The following TDRD9 variants were observed in gnomAD, a reference collection of about 807,000 sequenced individuals.
The protein encoded by TDRD9 is tudor domain containing 9.
Under a neutral mutation model 172.6 loss-of-function variants are expected in TDRD9, and 124 were observed. The observed-to-expected ratio is 0.72, with a 90% confidence interval of 0.62 to 0.83. The LOEUF (loss-of-function observed/expected upper bound fraction) is 0.83, where lower values mean the gene tolerates loss of function less well. TDRD9 is among the 40% of genes least tolerant of loss of function. TDRD9 has a pLI of 0.00. For synonymous variants in TDRD9, 619 were observed against 617.1 expected (o/e 1.00, Z -0.05); for missense variants, 1,479 against 1,714.1 (o/e 0.86, Z 2.42).
intron 31 of TDRD9, among the ~76,000 whole-genome samples, chr14:104,034,284 G>A (rs1314657583): frequency 6.8e-6 from 1 of 147,506 alleles, no homozygotes; most frequent in Non-Finnish European, 1.5e-5. Context: ...TCCACCTCCT[G>A]GGTTCACACC....
At chr14:103,983,039 G>C (rs2033537450) in intron 7 of TDRD9, among the ~76,000 whole-genome samples, 1 of 150,508 alleles carries the variant, frequency 6.6e-6, no homozygotes, top group South Asian at 2.1e-4. Flanking sequence ...CGCCCCACCT[G>C]GACTCGCTGT....
At chr14:104,000,742 G>A (rs529226728) in intron 13 of TDRD9, among the ~76,000 whole-genome samples, 11 of 152,122 alleles carry the variant, frequency 7.2e-5, no homozygotes, top group South Asian at 2.1e-4. Flanking sequence ...CCTAGATCAC[G>A]CCACTGCACT....
intron 1 of TDRD9, among the ~76,000 whole-genome samples, chr14:103,953,695 G>C (rs185176968): frequency 1.3e-5 from 2 of 152,322 alleles, no homozygotes; most frequent in African/African-American, 4.8e-5. Context: ...GAGAACCTGG[G>C]ATGGGAGATG....
intron 19 of TDRD9, among the ~76,000 whole-genome samples, chr14:104,007,973 G>C (rs2034498018): frequency 6.6e-6 from 1 of 152,036 alleles, no homozygotes; most frequent in African/African-American, 2.4e-5. Context: ...TAGAGATGGG[G>C]TTTCACTGTG....
chr14:104,004,848 A>G (rs961175111), intron 14 of TDRD9, among the ~76,000 whole-genome samples: 3 of 152,164 alleles, frequency 2.0e-5, no homozygotes, highest in African/African-American at 7.2e-5. Flanking sequence ...GTTTTCTGGT[A>G]TCTATGGGCT....
At chr14:104,005,101 T>C in intron 14 of TDRD9, 173 bp from the exon 15 acceptor site, 1 of 535,958 alleles carries the variant, frequency 1.9e-6, no homozygotes, top group South Asian at 3.0e-5. Flanking sequence ...TTCTCTCCTG[T>C]TCTTTCTTCT....
chr14:104,010,601 CAT>C (rs1453415851), intron 20 of TDRD9, among the ~76,000 whole-genome samples: 11 of 142,524 alleles, frequency 7.7e-5, no homozygotes, highest in African/African-American at 2.6e-4. Context: ...TCTTTCAAGA[CAT>C]GTGAAGTTAA....
At chr14:103,954,958 G>A (rs758216769) in intron 1 of TDRD9, among the ~76,000 whole-genome samples, 3 of 148,618 alleles carry the variant, frequency 2.0e-5, no homozygotes, top group African/African-American at 2.5e-5. Context: ...ACAGGGTCTC[G>A]CTTTGTTGCC....
At chr14:104,023,890 C>T (rs1001395515) in intron 24 of TDRD9, among the ~76,000 whole-genome samples, 3 of 152,106 alleles carry the variant, frequency 2.0e-5, no homozygotes, top group Non-Finnish European at 2.9e-5. Flanking sequence ...CTTTTGTAAT[C>T]GAATGCTGGG....
chr14:103,937,765 A>G (rs1051046066), intron 1 of TDRD9, among the ~76,000 whole-genome samples: 1 of 152,046 alleles, frequency 6.6e-6, no homozygotes, highest in Non-Finnish European at 1.5e-5. Context: ...GTGTGTGTGT[A>G]TTGGTACTAG....
chr14:103,961,159 A>G (rs2032490505), intron 2 of TDRD9, among the ~76,000 whole-genome samples: 1 of 152,236 alleles, frequency 6.6e-6, no homozygotes. Flanking sequence ...TTAACTGGGA[A>G]AACAAGAAGG....
At position 104,024,610 on chromosome 14, in the gene TDRD9, A is replaced by C; in HGVS notation, c.2648A>C (p.Gln883Pro). ...DFQKQTVDPM[Q>P]VSFNTSDRSQ... ...CAGAAGCAGACGGTAGATCCTATGC[A>C]AGTCTCCTTTAACACATCAGACAGG... Residue 883 changes from glutamine (Q) to proline (P), a missense_variant, in exon 25 of 36, where the codon CAA becomes CCA. Gln to Pro is a moderately conservative substitution (Grantham distance 76, BLOSUM62 -1). Transcript: ENST00000409874. The C allele has an allele frequency of 6.2e-7, 1 of 1,612,956 alleles. No individual in the cohort carries two copies.
At chr14:103,938,790 G>A (rs953852910) in intron 1 of TDRD9, among the ~76,000 whole-genome samples, 2 of 151,926 alleles carry the variant, frequency 1.3e-5, no homozygotes, top group African/African-American at 4.8e-5. Flanking sequence ...ATTATAAATA[G>A]CCTAGTGTAT....
Position 104,006,828 on chromosome 14 carries a change from C to T in TDRD9, c.1990C>T (p.Leu664Phe). The T allele has an allele frequency of 1.2e-6, 2 of 1,612,932 alleles. No individual in the cohort carries two copies. Among genetic ancestry groups the T allele is most frequent in the South Asian group, 2.2e-5 (2 of 90,842 alleles). The change falls in exon 18 of 36, where the codon CTT becomes TTT. Residue 664 changes from leucine (L) to phenylalanine (F), a missense_variant. Leu to Phe is a conservative substitution (Grantham distance 22). Around this residue, in one of 3 missense-constraint regions of TDRD9, gnomAD observed 1,413 missense variants for 1,649.1 expected, o/e 0.86. Transcript: ENST00000409874. ...CAGTAGCAAGAGTGACTGTATTGCA[C>T]TTGTTGAGGCATTTAAAGTAAGTTT... The part of the protein sequence containing the change: ...SGSSKSDCIA[L>F]VEAFKTWKAC...
At chr14:104,006,973 T>C in intron 18 of TDRD9, 128 bp downstream of exon 18, 1 of 985,382 alleles carries the variant, frequency 1.0e-6, no homozygotes, top group Non-Finnish European at 1.5e-6. Flanking sequence ...GGGTTATTGG[T>C]GTCCAGTGTT....
At chr14:103,987,396 A>C (rs1422910910) in intron 8 of TDRD9, among the ~76,000 whole-genome samples, 1 of 151,806 alleles carries the variant, frequency 6.6e-6, no homozygotes, top group Non-Finnish European at 1.5e-5. Flanking sequence ...TCATCTTCCA[A>C]ATTTCCTGCT....
intron 32 of TDRD9, among the ~76,000 whole-genome samples, chr14:104,039,873 A>G (rs1371621362): frequency 6.6e-6 from 1 of 152,190 alleles, no homozygotes; most frequent in Non-Finnish European, 1.5e-5. Context: ...TAACCCATGG[A>G]AAGAATTCGA....
chr14:104,001,161 A>G (rs920396800), intron 13 of TDRD9, among the ~76,000 whole-genome samples: 3 of 152,228 alleles, frequency 2.0e-5, no homozygotes, highest in African/African-American at 7.2e-5. Flanking sequence ...TACTATGATC[A>G]GAGCACAGAA....
chr14:104,038,191 C>T (rs2035507452), intron 32 of TDRD9, among the ~76,000 whole-genome samples: 1 of 152,108 alleles, frequency 6.6e-6, no homozygotes, highest in African/African-American at 2.4e-5. Context: ...TGCTTCTGAA[C>T]AGGCATGAGA....
Sources: allele counts gnomAD v4.1 joint callset (sites outside exome capture counted in the v4.1 genomes callset), GRCh38; gene constraint gnomAD v4.1.1; regional missense constraint gnomAD v4.1.1; transcripts MANE v1.5; gene names NCBI Gene and HGNC (gene_info 2026-07-23, HGNC 2026-07-21).